Variants in APBB2 observed in about 807,000 individuals in gnomAD.
APBB2 encodes amyloid beta precursor protein binding family B member 2, also known as Fe65-like 1.
Under a neutral mutation model 82.5 loss-of-function variants are expected in APBB2, and 38 were observed. That is an observed-to-expected ratio of 0.46 (90% CI 0.36 to 0.60). The LOEUF (loss-of-function observed/expected upper bound fraction) is 0.60, where lower values mean the gene tolerates loss of function less well. APBB2 is among the 20% of genes least tolerant of loss of function. The probability of loss-of-function intolerance (pLI) is 0.00; values close to 1 mark genes in which losing one functional copy is unlikely to be tolerated. For missense variants in APBB2, 772 were observed against 972.3 expected, an observed-to-expected ratio of 0.79 and a Z score of 2.74; for synonymous variants, 341 against 368.2, an observed-to-expected ratio of 0.93 and a Z score of 0.85.
chr4:41,016,394 G>C (rs1425387574), intron 5 of APBB2, among the ~76,000 whole-genome samples: 1 of 152,176 alleles, frequency 6.6e-6, no homozygotes, highest in African/African-American at 2.4e-5. Context: ...GGGTGCGGTG[G>C]CTCACGCCTG....
intron 1 of APBB2, among the ~76,000 whole-genome samples, chr4:41,175,144 A>G (rs1769404656): frequency 6.6e-6 from 1 of 152,218 alleles, no homozygotes; most frequent in South Asian, 2.1e-4. Flanking sequence ...CAAGATGGGA[A>G]TTCATTTGTG....
At chr4:40,853,891 C>T (rs1045425944) in intron 12 of APBB2, among the ~76,000 whole-genome samples, 7 of 152,150 alleles carry the variant, frequency 4.6e-5, no homozygotes, top group African/African-American at 1.7e-4. Context: ...TGTTGCATCA[C>T]GCTGTTGATG....
At chr4:40,976,903 G>T (rs1428189999) in intron 6 of APBB2, among the ~76,000 whole-genome samples, 3 of 152,092 alleles carry the variant, frequency 2.0e-5, no homozygotes, top group Non-Finnish European at 2.9e-5. Flanking sequence ...AAAAAAATTA[G>T]CTGAGCATGA....
chr4:40,884,664 G>A (rs913884550), intron 12 of APBB2, among the ~76,000 whole-genome samples: 10 of 151,784 alleles, frequency 6.6e-5, no homozygotes, highest in Non-Finnish European at 1.0e-4. Flanking sequence ...TCAGGATGCT[G>A]AGGCAGGAGG....
intron 2 of APBB2, among the ~76,000 whole-genome samples, chr4:41,114,923 A>G (rs1000939141): frequency 9.9e-5 from 15 of 152,204 alleles, no homozygotes; most frequent in African/African-American, 3.6e-4. Context: ...ATTCAATGCT[A>G]TCCCCATCAA....
At chr4:41,188,494 C>G (rs1580723714) in intron 1 of APBB2, among the ~76,000 whole-genome samples, 1 of 152,118 alleles carries the variant, frequency 6.6e-6, no homozygotes, top group Non-Finnish European at 1.5e-5. Flanking sequence ...ATAAAAGATC[C>G]TCTACGAGCT....
chr4:40,880,840 C>G, intron 12 of APBB2: 2 of 980,646 alleles, frequency 2.0e-6, no homozygotes, highest in Non-Finnish European at 2.4e-6. Flanking sequence ...AACATGCTCA[C>G]AAGAAATCCT....
rs182444044 is a variant in APBB2, at chr4:41,005,559, C to A, written c.835+8024G>T. Among the ~76,000 whole-genome samples, 27 of 152,210 alleles carry A rather than the reference C, an allele frequency of 1.8e-4. No individual in the cohort carries two copies. The East Asian group carries it at 4.1e-3, about 23-fold the overall frequency. On this transcript the variant is annotated intron_variant, in intron 6 of 17. Transcript: ENST00000508593. ...CTTCACAATCTTGGGGGCTGCATGC[C>A]CACCTCCAAGGTATGAGAGCATCAC...
intron 3 of APBB2, among the ~76,000 whole-genome samples, chr4:41,090,479 T>C (rs1430413306): frequency 6.6e-6 from 1 of 152,214 alleles, no homozygotes; most frequent in East Asian, 1.9e-4. Context: ...TTGAGCCTTT[T>C]CAGCTACTGC....
chr4:41,041,030 A>G (rs557843802), intron 4 of APBB2, among the ~76,000 whole-genome samples: 28 of 152,140 alleles, frequency 1.8e-4, no homozygotes, highest in Middle Eastern at 3.4e-3. Flanking sequence ...ACAAGCGCCC[A>G]CCACCACACC....
intron 3 of APBB2, among the ~76,000 whole-genome samples, chr4:41,072,849 G>A (rs371551911): frequency 6.6e-6 from 1 of 152,260 alleles, no homozygotes; most frequent in East Asian, 1.9e-4. Context: ...CTGAAGAAAG[G>A]GAGGACTTTA....
At chr4:40,876,531 G>A (rs184113518) in intron 12 of APBB2, among the ~76,000 whole-genome samples, 52 of 152,206 alleles carry the variant, frequency 3.4e-4, no homozygotes, top group Admixed American at 1.7e-3. Context: ...TGTATATACC[G>A]TTGTCGCTTG....
intron 2 of APBB2, among the ~76,000 whole-genome samples, chr4:41,124,387 T>C (rs1019277050): frequency 2.0e-5 from 3 of 152,020 alleles, no homozygotes; most frequent in Non-Finnish European, 4.4e-5. Context: ...CCCGGCTAAT[T>C]TTTTGTATTT....
chr4:41,195,228 T>C, intron 1 of APBB2, among the ~76,000 whole-genome samples: 6 of 152,190 alleles, frequency 3.9e-5, no homozygotes, highest in Non-Finnish European at 7.3e-5. Flanking sequence ...ACCACTAGGA[T>C]GCTGATGAAA....
At chr4:40,930,111 A>G (rs1185901150) in intron 10 of APBB2, among the ~76,000 whole-genome samples, 3 of 152,240 alleles carry the variant, frequency 2.0e-5, no homozygotes, top group Non-Finnish European at 4.4e-5. Flanking sequence ...GGAAAAAATG[A>G]GAAAATGTGA....
intron 4 of APBB2, 68 bp from the exon 5 acceptor site, chr4:41,033,372 A>G (rs1166984005): frequency 2.8e-6 from 3 of 1,089,140 alleles, no homozygotes; most frequent in Non-Finnish European, 3.9e-6. Flanking sequence ...AGAAAAGCAT[A>G]GCAGTGAAAA....
chr4:41,160,160 G>A (rs1764783703), intron 1 of APBB2, among the ~76,000 whole-genome samples: 1 of 152,136 alleles, frequency 6.6e-6, no homozygotes, highest in South Asian at 2.1e-4. Flanking sequence ...CAGGGCCCAG[G>A]GCAAGCTGGC....
chr4:41,009,465 A>C (rs1021045318), intron 6 of APBB2, among the ~76,000 whole-genome samples: 1 of 152,200 alleles, frequency 6.6e-6, no homozygotes, highest in Non-Finnish European at 1.5e-5. Context: ...AGAAGTTACT[A>C]AACAGCTGGA....
intron 1 of APBB2, among the ~76,000 whole-genome samples, chr4:41,160,035 G>A (rs1015583526): frequency 4.1e-5 from 6 of 145,570 alleles, no homozygotes; most frequent in African/African-American, 1.4e-4. Flanking sequence ...AGAAGAAGAA[G>A]AAAACATCAC....
Sources: gnomAD v4.1 joint callset for allele counts (sites outside exome capture counted in the v4.1 genomes callset) on GRCh38, gnomAD v4.1.1 for gene constraint, MANE v1.5 for transcripts, NCBI Gene and HGNC (gene_info 2026-07-23, HGNC 2026-07-21) for gene names.